BCKDHB: variants seen among roughly 807,000 people sequenced by gnomAD.
The protein encoded by BCKDHB is branched chain keto acid dehydrogenase E1 subunit beta, also known as 2-oxoisovalerate dehydrogenase subunit beta, mitochondrial.
Under a neutral mutation model 48.5 loss-of-function variants are expected in BCKDHB, and 41 were observed. That is an observed-to-expected ratio of 0.85 (90% confidence interval 0.66 to 1.10). The LOEUF is 1.10. Among genes scored for constraint, BCKDHB ranks in the 50% least tolerant of loss-of-function variants. BCKDHB has a pLI of 0.00. For synonymous variants in BCKDHB, 201 were observed against 174.8 expected (o/e 1.15, Z -1.18); for missense variants, 496 against 494.2 (o/e 1.00, Z -0.03).
chr6:80,283,473 C>T (rs752465839), intron 9 of BCKDHB, among the ~76,000 whole-genome samples: 2 of 152,058 alleles, frequency 1.3e-5, no homozygotes, highest in East Asian at 1.9e-4. Flanking sequence ...ATACCAAGCT[C>T]CTCTACTCTT....
chr6:80,195,525 A>G (rs1774092523), intron 6 of BCKDHB, among the ~76,000 whole-genome samples: 1 of 152,226 alleles, frequency 6.6e-6, no homozygotes, highest in African/African-American at 2.4e-5. Context: ...ATAGTTGATT[A>G]TCAGTTTTAT....
intron 1 of BCKDHB, among the ~76,000 whole-genome samples, chr6:80,108,137 G>T (rs1028535958): frequency 2.0e-5 from 3 of 152,000 alleles, no homozygotes; most frequent in African/African-American, 4.8e-5. Context: ...GTTTGACCAA[G>T]ATTACACAGG....
chr6:80,272,621 A>G (rs185215607), intron 8 of BCKDHB, among the ~76,000 whole-genome samples: 1 of 152,300 alleles, frequency 6.6e-6, no homozygotes, highest in East Asian at 1.9e-4. Flanking sequence ...AGAGCACATT[A>G]ACGAAGGAGG....
chr6:80,182,478 G>A (rs978651982), intron 6 of BCKDHB, among the ~76,000 whole-genome samples: 5 of 152,170 alleles, frequency 3.3e-5, no homozygotes, highest in Non-Finnish European at 7.4e-5. Context: ...CTTAAGCTAT[G>A]TGGTAGAGTG....
At chr6:80,388,093 T>A in the BCKDHB span, among the ~76,000 whole-genome samples, 1 of 152,188 alleles carries the variant, frequency 6.6e-6, no homozygotes, top group Non-Finnish European at 1.5e-5. Context: ...CTAGTGGGCC[T>A]ATTTGGATTT....
intron 9 of BCKDHB, among the ~76,000 whole-genome samples, chr6:80,326,973 T>G (rs1315229692): frequency 6.6e-6 from 1 of 152,174 alleles, no homozygotes. Context: ...TTTCCAGCCT[T>G]TCTACCTTCT....
At position 80,311,724 on chromosome 6, in the gene BCKDHB, T is replaced by A. The variant is rs1025923175; in HGVS notation, c.1039-31940T>A. On this transcript the variant is annotated intron_variant, in intron 9 of 9. Transcript: ENST00000320393. ...TTGTTTTTGTCAGGTTCATCAAAGA[T>A]CAAATTGTTATAGGTGTGTGGTTCT... Among the ~76,000 whole-genome samples the A allele has an allele frequency of 2.0e-5, 3 of 152,172 alleles. No individual in the cohort carries two copies. The South Asian group carries it at 6.2e-4, about 32-fold the overall frequency.
At chr6:80,106,666 A>G (rs200958876), upstream of BCKDHB, 8 of 1,547,624 alleles carry the variant, frequency 5.2e-6, no homozygotes, top group Admixed American at 2.0e-5. Flanking sequence ...GCGGCTGCAT[A>G]GCCTGAGAAT....
the BCKDHB span, among the ~76,000 whole-genome samples, chr6:80,408,408 G>C: frequency 6.6e-6 from 1 of 152,056 alleles, no homozygotes; most frequent in East Asian, 1.9e-4. Flanking sequence ...TCTTTTGATT[G>C]GAATAGCTTC....
At chr6:80,320,952 G>C (rs1435981089) in intron 9 of BCKDHB, among the ~76,000 whole-genome samples, 1 of 151,954 alleles carries the variant, frequency 6.6e-6, no homozygotes, top group Non-Finnish European at 1.5e-5. Context: ...ATATTTTCTT[G>C]CTATACCTCT....
At chr6:80,276,173 T>G (rs1777960884) in intron 9 of BCKDHB, among the ~76,000 whole-genome samples, 1 of 151,978 alleles carries the variant, frequency 6.6e-6, no homozygotes, top group Non-Finnish European at 1.5e-5. Context: ...GAAAACAATG[T>G]TTGCTCCACA....
At chr6:80,420,997 TG>T in the BCKDHB span, among the ~76,000 whole-genome samples, 1 of 152,248 alleles carries the variant, frequency 6.6e-6, no homozygotes, top group African/African-American at 2.4e-5. Flanking sequence ...TTTGTTTTAC[TG>T]GAATACTGGA....
chr6:80,194,241 T>G (rs1468328657), intron 6 of BCKDHB, among the ~76,000 whole-genome samples: 2 of 152,220 alleles, frequency 1.3e-5, no homozygotes, highest in Non-Finnish European at 2.9e-5. Flanking sequence ...TTAAAAATTT[T>G]GTTAAAATTT....
intron 9 of BCKDHB, among the ~76,000 whole-genome samples, chr6:80,300,694 A>C (rs1020496037): frequency 6.6e-6 from 1 of 152,208 alleles, no homozygotes; most frequent in African/African-American, 2.4e-5. Flanking sequence ...CAACTACTGC[A>C]GAATATATAT....
intron 3 of BCKDHB, among the ~76,000 whole-genome samples, chr6:80,156,849 T>C (rs1772067626): frequency 6.6e-6 from 1 of 152,230 alleles, no homozygotes; most frequent in Non-Finnish European, 1.5e-5. Flanking sequence ...CAGAAAACCG[T>C]TGTTCATTAT....
At chr6:80,438,978 TC>T in the BCKDHB span, among the ~76,000 whole-genome samples, 1 of 152,126 alleles carries the variant, frequency 6.6e-6, no homozygotes, top group Non-Finnish European at 1.5e-5. Flanking sequence ...GTGGGACAGA[TC>T]AGCTATATGC....
chr6:80,411,096 G>A, the BCKDHB span, among the ~76,000 whole-genome samples: 1 of 152,096 alleles, frequency 6.6e-6, no homozygotes, highest in African/African-American at 2.4e-5. Flanking sequence ...TCTACCTTTG[G>A]TCTTTGATGT....
intron 3 of BCKDHB, among the ~76,000 whole-genome samples, chr6:80,143,064 A>C (rs1771301910): frequency 6.6e-6 from 1 of 152,166 alleles, no homozygotes; most frequent in African/African-American, 2.4e-5. Context: ...TAACAATTTT[A>C]TGGAGCAGTT....
Position 80,129,193 on chromosome 6 carries a change from G to A in BCKDHB, c.307G>A (p.Val103Ile). 3 of 1,611,200 alleles carry A rather than the reference G, an allele frequency of 1.9e-6. No homozygotes were observed. The highest frequency in any genetic ancestry group is 1.7e-6 in the Non-Finnish European group (2 of 1,178,154). ...IFGEDVAFGG[V>I]FRCTVGLRDK... The stretch of plus-strand genomic sequence containing the variant: ...TGGTGAAGATGTTGCCTTTGGTGGA[G>A]TCTTTAGATGCACTGTTGGCTTGCG... Residue 103 changes from valine (V) to isoleucine (I), a missense_variant, in exon 3 of 10, where the codon GTC (valine) becomes ATC (isoleucine). Physicochemically the swap from Val to Ile is conservative, Grantham distance 29 (BLOSUM62 3). Transcript: ENST00000320393.
Sources: gnomAD v4.1 joint callset for allele counts (sites outside exome capture counted in the v4.1 genomes callset) on GRCh38, gnomAD v4.1.1 for gene constraint, MANE v1.5 for transcripts, NCBI Gene and HGNC (gene_info 2026-07-23, HGNC 2026-07-21) for gene names.